GRID2: variants seen among roughly 807,000 people sequenced by gnomAD.
GRID2 encodes the protein glutamate receptor ionotropic, delta-2.
A neutral mutation model predicts 114.8 loss-of-function variants in GRID2; 33 were observed. The observed-to-expected ratio is 0.29, with a 90% CI of 0.22 to 0.38. The LOEUF (loss-of-function observed/expected upper bound fraction) is 0.38. GRID2 is among the 10% of genes least tolerant of loss of function. The pLI is 1.00. For missense variants in GRID2, 1,184 were observed against 1,257.7 expected (o/e 0.94, Z 0.89); for synonymous variants, 505 against 449.9 (o/e 1.12, Z -1.55).
chr4:93,007,375 A>G (rs1002198753), intron 2 of GRID2, among the ~76,000 whole-genome samples: 1 of 152,142 alleles, frequency 6.6e-6, no homozygotes. Context: ...TCAGGCAAAC[A>G]GATCAAATTA....
At chr4:92,535,220 G>A (rs570756055) in intron 1 of GRID2, among the ~76,000 whole-genome samples, 1 of 152,194 alleles carries the variant, frequency 6.6e-6, no homozygotes, top group South Asian at 2.1e-4. Context: ...TATCTACAAT[G>A]TAGTTAAAGA....
At chr4:93,616,199 C>T (rs1741622338) in intron 13 of GRID2, among the ~76,000 whole-genome samples, 1 of 152,086 alleles carries the variant, frequency 6.6e-6, no homozygotes, top group Non-Finnish European at 1.5e-5. Context: ...TGTACACAAG[C>T]TGTGCAGTTC....
intron 1 of GRID2, among the ~76,000 whole-genome samples, chr4:92,380,667 T>G (rs1729579796): frequency 6.6e-6 from 1 of 152,050 alleles, no homozygotes; most frequent in Non-Finnish European, 1.5e-5. Flanking sequence ...TTGTTTTTGT[T>G]TTGTTTTTCA....
chr4:92,369,232 A>T (rs984743851), intron 1 of GRID2, among the ~76,000 whole-genome samples: 4 of 152,100 alleles, frequency 2.6e-5, no homozygotes, highest in Non-Finnish European at 5.9e-5. Context: ...ACTTTCTATC[A>T]TTTTAAAGAA....
intron 4 of GRID2, among the ~76,000 whole-genome samples, chr4:93,168,351 T>C (rs1738462806): frequency 6.6e-6 from 1 of 152,098 alleles, no homozygotes; most frequent in African/African-American, 2.4e-5. Flanking sequence ...AAAGGCATCA[T>C]TAAAAAGTTT....
At chr4:92,983,473 A>G (rs964380585) in intron 2 of GRID2, among the ~76,000 whole-genome samples, 6 of 152,134 alleles carry the variant, frequency 3.9e-5, no homozygotes, top group Admixed American at 1.3e-4. Flanking sequence ...GGACATATTC[A>G]AACCACAGCA....
chr4:93,696,695 A>C (rs984305796), intron 14 of GRID2, among the ~76,000 whole-genome samples: 1 of 152,212 alleles, frequency 6.6e-6, no homozygotes, highest in Non-Finnish European at 1.5e-5. Context: ...CTCAAATTTG[A>C]AACTAGAAGT....
intron 7 of GRID2, among the ~76,000 whole-genome samples, chr4:93,226,746 G>C (rs1354337629): frequency 6.6e-6 from 1 of 152,114 alleles, no homozygotes. Flanking sequence ...GTCTTAGTAC[G>C]GGCTCTCTGT....
At chr4:92,466,377 A>G (rs999411188) in intron 1 of GRID2, among the ~76,000 whole-genome samples, 1 of 151,796 alleles carries the variant, frequency 6.6e-6, no homozygotes, top group Admixed American at 6.6e-5. Flanking sequence ...TAGTCTGTAC[A>G]TTTTTTCCTT....
intron 4 of GRID2, among the ~76,000 whole-genome samples, chr4:93,190,802 G>C (rs1443752879): frequency 6.6e-6 from 1 of 151,638 alleles, no homozygotes; most frequent in African/African-American, 2.4e-5. Flanking sequence ...TGGATGTTTT[G>C]GGTCTTTGAC....
intron 2 of GRID2, among the ~76,000 whole-genome samples, chr4:93,071,314 C>T (rs1728784780): frequency 6.6e-6 from 1 of 152,114 alleles, no homozygotes; most frequent in Non-Finnish European, 1.5e-5. Context: ...TTCCTGTTTA[C>T]TCAATTATTC....
chr4:92,459,904 T>G (rs1408082919), intron 1 of GRID2, among the ~76,000 whole-genome samples: 1 of 150,628 alleles, frequency 6.6e-6, no homozygotes, highest in Non-Finnish European at 1.5e-5. Flanking sequence ...AAGAGAGAAT[T>G]CTGCCAGCAG....
intron 2 of GRID2, among the ~76,000 whole-genome samples, chr4:92,750,020 C>T (rs187749172): frequency 1.3e-5 from 2 of 152,226 alleles, no homozygotes; most frequent in Admixed American, 1.3e-4. Context: ...CGCCACCAAG[C>T]CCAGCTAATT....
intron 13 of GRID2, among the ~76,000 whole-genome samples, chr4:93,539,108 C>T (rs1732399358): frequency 2.6e-5 from 4 of 151,762 alleles, no homozygotes; most frequent in Admixed American, 2.6e-4. Flanking sequence ...GCTATAGAAA[C>T]ATATCTAGAT....
At chr4:93,435,941 C>A (rs1339732120) in intron 10 of GRID2, among the ~76,000 whole-genome samples, 1 of 152,144 alleles carries the variant, frequency 6.6e-6, no homozygotes, top group African/African-American at 2.4e-5. Flanking sequence ...CTCTACCTTT[C>A]TTTATCCCTA....
chr4:92,559,322 T>A (rs1259786004), intron 1 of GRID2, among the ~76,000 whole-genome samples: 2 of 152,174 alleles, frequency 1.3e-5, no homozygotes, highest in African/African-American at 4.8e-5. Context: ...GTTTTTTTCT[T>A]CTAATTACAG....
At chr4:93,709,934 T>C (rs1010105610) in intron 14 of GRID2, among the ~76,000 whole-genome samples, 1 of 152,248 alleles carries the variant, frequency 6.6e-6, no homozygotes, top group Non-Finnish European at 1.5e-5. Context: ...TTTTAATCTC[T>C]TTGTTAAATT....
Position 93,626,289 on chromosome 4 carries a change from T to C in GRID2, c.2214T>C (p.Ala738=). 6.3e-7 allele frequency: 1 copy of C among 1,596,364 alleles called. No individual in the cohort carries two copies. Among genetic ancestry groups the C allele is most frequent in the South Asian group, 1.1e-5 (1 of 88,422 alleles). Residue 738 remains alanine (A), a synonymous_variant, in exon 14 of 16, where the codon GCT becomes GCC. Coordinates refer to ENST00000282020, the MANE Select transcript of GRID2 (RefSeq NM_001510.4). ...GIQKVKYGNY[A]FVWDAAVLEY... ...CACAGGTAAAATATGGAAATTATGC[T>C]TTCGTATGGGATGCAGCTGTATTGG...
At chr4:93,253,093 C>CAAAAA (rs34432102) in intron 8 of GRID2, among the ~76,000 whole-genome samples, 52 of 142,494 alleles carry the variant, frequency 3.6e-4, no homozygotes, top group African/African-American at 1.2e-3. Context: ...ACTAAAAATA[C>CAAAAA]AAAAAAAAAA....
Sources: gnomAD v4.1 joint callset for allele counts (sites outside exome capture counted in the v4.1 genomes callset) on GRCh38, gnomAD v4.1.1 for gene constraint, MANE v1.5 for transcripts, NCBI Gene and HGNC (gene_info 2026-07-23, HGNC 2026-07-21) for gene names.